The following SLC25A22 variants were observed in gnomAD, a reference collection of about 807,000 sequenced individuals.
SLC25A22 encodes the protein mitochondrial glutamate carrier 1.
A neutral mutation model predicts 33.7 loss-of-function variants in SLC25A22; 23 were observed. That is an observed-to-expected ratio of 0.68 (90% CI 0.49 to 0.97). SLC25A22 has a LOEUF of 0.97. Ranked by LOEUF, SLC25A22 falls within the 50% of genes least tolerant of loss-of-function variation. The pLI, the probability that SLC25A22 is intolerant of heterozygous loss-of-function variation, is 0.00. For synonymous variants in SLC25A22, 245 were observed against 203.8 expected, an observed-to-expected ratio of 1.20 and a Z score of -1.72; for missense variants, 390 against 451.1, an observed-to-expected ratio of 0.86 and a Z score of 1.23.
rs753126112 is a variant in SLC25A22 at position 793,582 on chromosome 11, C to T, written c.240G>A (p.Lys80=). 7.4e-6 allele frequency: 12 copies of T among 1,612,122 alleles called. No individual in the cohort carries two copies. The Middle Eastern group carries it at 4.9e-4, about 66-fold the overall frequency. Reference sequence around the variant, plus strand: ...AGTCGTTGGCTGCCAGCTTGATGGCCTTCTCGGGGGTGACGAGGGTCAAGT... The same window carrying T: ...AGTCGTTGGCTGCCAGCTTGATGGCTTTCTCGGGGGTGACGAGGGTCAAGT... ...AVNLTLVTPE[K]AIKLAANDFF... Residue 80 remains lysine, a synonymous_variant, in exon 5 of 10, where the codon AAG becomes AAA. Transcript: ENST00000628067.
Position 792,623 on chromosome 11 carries a change from G to T in SLC25A22, c.517C>A (p.Leu173Met), listed in dbSNP as rs1306034932. ...PAAPRPTATQ[L>M]TRDLLRSRGI... is the part of the protein sequence containing the mutation. ...CGGCTCCGCAGCAGGTCGCGGGTCA[G>T]CTGGGTGGCCGTGGGCCGAGGGGCA... The change falls in exon 7 of 10, where the codon CTG becomes ATG. Residue 173 changes from leucine (L) to methionine (M), a missense_variant. Leu to Met is a conservative substitution (Grantham distance 15, BLOSUM62 2). Transcript: ENST00000628067. 4.4e-6 allele frequency: 7 copies of T among 1,602,790 alleles called. No homozygotes were observed. The highest frequency in any genetic ancestry group is 6.0e-6 in the Non-Finnish European group (7 of 1,175,822).
chr11:795,803 C>G (rs915924695), intron 1 of SLC25A22: 3 of 156,070 alleles, frequency 1.9e-5, no homozygotes, highest in African/African-American at 7.3e-5. Context: ...CACACAGAAG[C>G]CAGTGATGGG....
rs971863478 is a variant in SLC25A22 at position 791,137 on chromosome 11, C to T, written c.*778G>A. The T allele has an allele frequency of 5.2e-5, 8 of 153,434 alleles. No individual in the cohort carries two copies. Among genetic ancestry groups the T allele is most frequent in the East Asian group, 3.9e-4 (2 of 5,192 alleles). 9.5% of individuals were successfully genotyped at this position (153,434 alleles called of 1,614,324 possible). A position where few individuals can be genotyped will look rare whatever the true frequency, so the allele number is the denominator to read the frequency against. On this transcript the variant is annotated 3_prime_UTR_variant, in exon 10 of 10. Transcript: ENST00000628067. ...CAGCACACAGAGCGCCTGGCCACGG[C>T]GGGAAGGGGGGCAGTCCCCAGCAGC...
At position 793,555 on chromosome 11, in the gene SLC25A22, G is replaced by A. The variant is rs143064022; in HGVS notation, c.267C>T (p.Phe89=). ...CGTCCTTAGAGAGCTGATGTCGGAA[G>A]AAGTCGTTGGCTGCCAGCTTGATGG... is the stretch of plus-strand genomic sequence containing the variant. ...EKAIKLAAND[F]FRHQLSKDGQ... is the part of the protein sequence containing the mutation. The change falls in exon 5 of 10, where the codon TTC becomes TTT. Residue 89 remains phenylalanine, a synonymous_variant. Coordinates refer to ENST00000628067, the MANE Select transcript of SLC25A22 (RefSeq NM_001191061.2). 5 of 1,613,500 alleles carry A rather than the reference G, an allele frequency of 3.1e-6. No individual in the cohort carries two copies. The highest frequency in any genetic ancestry group is 2.2e-5 in the East Asian group (1 of 44,866).
Position 793,639 on chromosome 11 carries a change from C to CT in SLC25A22, c.203-21dup, listed in dbSNP as rs761246861. 2.3e-5 allele frequency: 36 copies of CT among 1,577,818 alleles called. No homozygotes were observed. The highest frequency in any genetic ancestry group is 2.7e-5 in the Non-Finnish European group (31 of 1,156,200). ...CAGCTCCTGTGGGGCAGGGGGTCAG[C>CT]TGGGGGGACATGCTCGGTGGCCTGA... On this transcript the variant is annotated intron_variant, in intron 4 of 9. Transcript: ENST00000628067.
In SLC25A22 at chr11:791,723, C is replaced by T. The variant is rs1413475536; in HGVS notation, c.*192G>A. On this transcript the variant is annotated 3_prime_UTR_variant, in exon 10 of 10. Coordinates refer to ENST00000628067, the MANE Select transcript of SLC25A22 (RefSeq NM_001191061.2). ...TTTCTACATAAATGAGACATTGATCCCAACGGTGCAGGCAGCACCCCGGGG... is the reference window on the plus strand; with the variant it reads ...TTTCTACATAAATGAGACATTGATCTCAACGGTGCAGGCAGCACCCCGGGG... The T allele has an allele frequency of 2.9e-6, 2 of 681,362 alleles. No homozygotes were observed. The highest frequency in any genetic ancestry group is 2.9e-5 in the Admixed American group (1 of 33,926). The allele number at this position is 681,362 out of a possible 1,614,324, so 42.2% of individuals were successfully genotyped here. A position where few individuals can be genotyped will look rare whatever the true frequency, so the allele number is the denominator to read the frequency against.
rs560099099 is a variant in SLC25A22 at position 797,958 on chromosome 11, C to T, written c.-164+259G>A. The T allele has an allele frequency of 3.3e-5, 13 of 398,384 alleles. No individual in the cohort carries two copies. In the South Asian group the frequency reaches 1.1e-3, roughly 35 times the overall value. The allele number at this position is 398,384 out of a possible 1,614,324, so 24.7% of individuals were successfully genotyped here. ...CACGGGTCGGCCTTTCTTCCTTGGG[C>T]TCGGGCCCCGGACACCCACCCTCGG... is the stretch of plus-strand genomic sequence containing the variant. On this transcript the variant is annotated intron_variant, in intron 1 of 9. Coordinates refer to ENST00000628067, the MANE Select transcript of SLC25A22 (RefSeq NM_001191061.2).
chr11:793,512 C>T lies in SLC25A22; in HGVS notation c.293+17G>A. 4 of 1,612,812 alleles carry T rather than the reference C, an allele frequency of 2.5e-6. No homozygotes were observed. Among genetic ancestry groups the T allele is most frequent in the Non-Finnish European group, 3.4e-6 (4 of 1,179,438 alleles). ...AAGCCAAAGACCCCTCGAGTGTCTG[C>T]CAGGCAGAACCCTCACCCGTCCTTA... On this transcript the variant is annotated intron_variant, in intron 5 of 9. Coordinates refer to ENST00000628067, the MANE Select transcript of SLC25A22 (RefSeq NM_001191061.2).
At chr11:793,205 G>A (rs1864630131) in intron 5 of SLC25A22, among the ~76,000 whole-genome samples, 1 of 152,066 alleles carries the variant, frequency 6.6e-6, no homozygotes, top group Non-Finnish European at 1.5e-5. Flanking sequence ...GGAGGGCAGT[G>A]GGGCTGTCTG....
At chr11:796,187 C>G (rs1864818665) in intron 1 of SLC25A22, 1 of 152,808 alleles carries the variant, frequency 6.5e-6, no homozygotes, top group African/African-American at 2.4e-5. Flanking sequence ...TGCTCTCACT[C>G]TGCCCCAGGC....
intron 4 of SLC25A22, 45 bp downstream of exon 4, chr11:794,413 C>T (rs1250518296): frequency 6.2e-7 from 1 of 1,601,994 alleles, no homozygotes; most frequent in Non-Finnish European, 8.5e-7. Context: ...CTCGCGGGCG[C>T]TACCCAGGCC....
intron 4 of SLC25A22, 150 bp from the exon 5 acceptor site, chr11:793,769 G>C: frequency 1.5e-6 from 1 of 652,580 alleles, no homozygotes. Flanking sequence ...CCTGGTGTGT[G>C]CCAGGTGGGG....
chr11:795,296 G>C (rs923540684), intron 1 of SLC25A22, 127 bp from the exon 2 acceptor site: 2 of 576,422 alleles, frequency 3.5e-6, no homozygotes, highest in East Asian at 6.1e-5. Flanking sequence ...TGCGTCCTGA[G>C]GGTGCAGCAG....
chr11:792,086 A>G lies in SLC25A22; in HGVS notation c.819-18T>C, dbSNP rs2133698115. 6.3e-7 allele frequency: 1 copy of G among 1,599,970 alleles called. No individual in the cohort carries two copies. The highest frequency in any genetic ancestry group is 8.5e-7 in the Non-Finnish European group (1 of 1,173,644). On this transcript the variant is annotated intron_variant, in intron 9 of 9. Coordinates refer to ENST00000628067, the MANE Select transcript of SLC25A22 (RefSeq NM_001191061.2). ...GGATCTTCCTGTGGAGGAAGGACGA[A>G]AGGGTCAGCCCGGTACGCAGGCCCC...
rs958937823 is a variant in SLC25A22, at chr11:795,173, G to A, written c.-163-4C>T. The A allele has an allele frequency of 1.1e-5, 9 of 818,496 alleles. No individual in the cohort carries two copies. In the African/African-American group the frequency reaches 1.2e-4, roughly 11 times the overall value. 50.7% of individuals were successfully genotyped at this position (818,496 alleles called of 1,614,324 possible). A position where few individuals can be genotyped will look rare whatever the true frequency, so the allele number is the denominator to read the frequency against. ...GTCAGCAACCGCCACTTCTGTCCTA[G>A]AAGGATGAGGGAATGGGAATGAGTG... On this transcript the variant is annotated splice_polypyrimidine_tract_variant and splice_region_variant and intron_variant, in intron 1 of 9. Transcript: ENST00000628067.
rs1864649987 is a variant in SLC25A22, at chr11:793,633, G to A, written c.203-14C>T. 2.5e-6 allele frequency: 4 copies of A among 1,587,110 alleles called. No individual in the cohort carries two copies. Among genetic ancestry groups the A allele is most frequent in the Admixed American group, 1.7e-5 (1 of 59,984 alleles). The stretch of plus-strand genomic sequence containing the variant: ...TCACAGCAGCTCCTGTGGGGCAGGG[G>A]GTCAGCTGGGGGGACATGCTCGGTG... On this transcript the variant is annotated splice_polypyrimidine_tract_variant and intron_variant, in intron 4 of 9. Transcript: ENST00000628067.
intron 4 of SLC25A22, chr11:793,945 A>G: frequency 2.1e-6 from 1 of 481,534 alleles, no homozygotes; most frequent in South Asian, 2.0e-5. Flanking sequence ...TGGAGGACAG[A>G]TGGTGCTTGT....
rs1372638897 is a variant in SLC25A22 at position 794,486 on chromosome 11, G to C, written c.174C>G (p.Arg58=). 3.7e-6 allele frequency: 6 copies of C among 1,612,942 alleles called. No individual in the cohort carries two copies. Among genetic ancestry groups the C allele is most frequent in the Non-Finnish European group, 5.1e-6 (6 of 1,179,900 alleles). ...SMSDCLIKTV[R]SEGYFGMYRG... ...GGTACATGCCGAAGTAGCCCTCGGA[G>C]CGGACGGTCTTGATGAGGCAGTCGG... The change falls in exon 4 of 10, where the codon CGC becomes CGG. Residue 58 remains arginine (R), a synonymous_variant. Coordinates refer to ENST00000628067, the MANE Select transcript of SLC25A22 (RefSeq NM_001191061.2).
chr11:792,072 T>C lies in SLC25A22; in HGVS notation c.819-4A>G. On this transcript the variant is annotated splice_region_variant and splice_polypyrimidine_tract_variant and intron_variant, in intron 9 of 9. Coordinates refer to ENST00000628067, the MANE Select transcript of SLC25A22 (RefSeq NM_001191061.2). ...GCCCTCGTGCCGCAGGATCTTCCTG[T>C]GGAGGAAGGACGAAAGGGTCAGCCC... The C allele has an allele frequency of 6.3e-7, 1 of 1,598,482 alleles. No homozygotes were observed. The highest frequency in any genetic ancestry group is 8.5e-7 in the Non-Finnish European group (1 of 1,172,906).
Sources: allele counts gnomAD v4.1 joint callset (sites outside exome capture counted in the v4.1 genomes callset), GRCh38; gene constraint gnomAD v4.1.1; transcripts MANE v1.5; gene names NCBI Gene and HGNC (gene_info 2026-07-23, HGNC 2026-07-21).